ZNF804B: variants seen among roughly 807,000 people sequenced by gnomAD.
ZNF804B encodes zinc finger 804B.
A neutral mutation model predicts 101.4 loss-of-function variants in ZNF804B; 80 were observed. That is an observed-to-expected ratio of 0.79 (90% CI 0.66 to 0.95). ZNF804B has a LOEUF of 0.95. Ranked by LOEUF, ZNF804B falls within the 40% of genes least tolerant of loss-of-function variation. ZNF804B has a pLI of 0.00. For missense variants in ZNF804B, 1,673 were observed against 1,561.9 expected, an observed-to-expected ratio of 1.07 and a Z score of -1.20; for synonymous variants, 622 against 558.8, an observed-to-expected ratio of 1.11 and a Z score of -1.59.
intron 1 of ZNF804B, among the ~76,000 whole-genome samples, chr7:89,162,458 A>G (rs1791080857): frequency 6.6e-6 from 1 of 152,148 alleles, no homozygotes; most frequent in Non-Finnish European, 1.5e-5. Context: ...TGTTGATTCA[A>G]TGCAATGTAA....
intron 1 of ZNF804B, among the ~76,000 whole-genome samples, chr7:88,825,257 GT>G (rs1374268521): frequency 6.6e-6 from 1 of 152,150 alleles, no homozygotes; most frequent in Non-Finnish European, 1.5e-5. Flanking sequence ...GGTCCTGGCA[GT>G]GGTGGTGGTA....
In ZNF804B at chr7:88,856,083, T is replaced by G. The variant is rs529738989; in HGVS notation, c.108+95999T>G. On this transcript the variant is annotated intron_variant, in intron 1 of 3. Coordinates refer to ENST00000333190, the MANE Select transcript of ZNF804B (RefSeq NM_181646.5). ...TTTTGGCTTAGGATTGACTTGGCGA[T>G]GCGGGCTCTTTTTTCATTCCATATG... Among the ~76,000 whole-genome samples, 33 of 152,362 alleles carry G rather than the reference T, an allele frequency of 2.2e-4. No individual in the cohort carries two copies. In the South Asian group the frequency reaches 6.8e-3, roughly 32 times the overall value.
intron 1 of ZNF804B, among the ~76,000 whole-genome samples, chr7:88,968,903 A>C (rs1793494461): frequency 6.6e-6 from 1 of 151,586 alleles, no homozygotes; most frequent in African/African-American, 2.4e-5. Context: ...TATCTTTTCT[A>C]CATATATGTT....
At chr7:89,200,494 C>T (rs574999471) in intron 1 of ZNF804B, among the ~76,000 whole-genome samples, 1 of 151,936 alleles carries the variant, frequency 6.6e-6, no homozygotes, top group Non-Finnish European at 1.5e-5. Context: ...AAACTTCTTA[C>T]CAAGGAGCAC....
chr7:88,816,920 G>A (rs1790888152), intron 1 of ZNF804B, among the ~76,000 whole-genome samples: 1 of 148,196 alleles, frequency 6.7e-6, no homozygotes, highest in African/African-American at 2.5e-5. Flanking sequence ...GCTGCTATAA[G>A]ACACATGCAC....
intron 1 of ZNF804B, among the ~76,000 whole-genome samples, chr7:88,887,294 T>A (rs1792143350): frequency 8.8e-6 from 1 of 113,422 alleles, no homozygotes; most frequent in Non-Finnish European, 1.8e-5. Context: ...TGTTTTTCTC[T>A]TGTAAATTTG....
chr7:88,888,992 C>G (rs140324891), intron 1 of ZNF804B, among the ~76,000 whole-genome samples: 8 of 152,176 alleles, frequency 5.3e-5, no homozygotes, highest in Admixed American at 1.3e-4. Flanking sequence ...CATCTTTATG[C>G]TCCTGTGTGC....
rs145757189 is a variant in ZNF804B at position 88,858,111 on chromosome 7, C to T, written c.108+98027C>T. 9.4e-4 allele frequency among the ~76,000 whole-genome samples: 143 copies of T among 152,154 alleles called. 1 individual carries two copies. The highest frequency in any genetic ancestry group is 2.9e-3 in the African/African-American group (122 of 41,534). ...GTGCTGGGATTACAGGTGAGAGCCA[C>T]GGCACCTGGCCTGCATTTCTTTACC... On this transcript the variant is annotated intron_variant, in intron 1 of 3. Transcript: ENST00000333190.
At chr7:89,005,117 T>C (rs1314239288) in intron 1 of ZNF804B, among the ~76,000 whole-genome samples, 1 of 152,024 alleles carries the variant, frequency 6.6e-6, no homozygotes, top group Non-Finnish European at 1.5e-5. Flanking sequence ...TAAAGTAATA[T>C]AAAACTCACA....
intron 1 of ZNF804B, among the ~76,000 whole-genome samples, chr7:89,006,750 A>T (rs1467387372): frequency 4.6e-5 from 7 of 152,156 alleles, no homozygotes; most frequent in Non-Finnish European, 1.0e-4. Flanking sequence ...ACAAGGAGGC[A>T]TATTTTCAGG....
intron 1 of ZNF804B, among the ~76,000 whole-genome samples, chr7:88,973,983 G>T (rs1308316139): frequency 6.6e-6 from 1 of 151,264 alleles, no homozygotes; most frequent in Non-Finnish European, 1.5e-5. Context: ...ACAAAGCCCT[G>T]AGTTTATTTG....
intron 2 of ZNF804B, among the ~76,000 whole-genome samples, chr7:89,283,774 C>T (rs552517102): frequency 6.6e-6 from 1 of 152,044 alleles, no homozygotes; most frequent in African/African-American, 2.4e-5. Flanking sequence ...TATATACATA[C>T]ATATACAGTT....
At chr7:88,792,182 A>G (rs1790392119) in intron 1 of ZNF804B, among the ~76,000 whole-genome samples, 1 of 152,108 alleles carries the variant, frequency 6.6e-6, no homozygotes, top group Non-Finnish European at 1.5e-5. Context: ...CGGTTAAGGC[A>G]GTCACAGAAG....
chr7:88,952,883 G>T (rs1234803950), intron 1 of ZNF804B, among the ~76,000 whole-genome samples: 3 of 151,782 alleles, frequency 2.0e-5, no homozygotes, highest in African/African-American at 7.2e-5. Flanking sequence ...ATACATGGAA[G>T]AGTGGCAACT....
In ZNF804B at chr7:89,218,141, AT is replaced by A. The variant is rs745966971; in HGVS notation, c.109-8del. The A allele has an allele frequency of 1.2e-6, 2 of 1,600,874 alleles. No individual in the cohort carries two copies. The highest frequency in any genetic ancestry group is 1.7e-6 in the Non-Finnish European group (2 of 1,173,792). On this transcript the variant is annotated splice_polypyrimidine_tract_variant and intron_variant, in intron 1 of 3. Coordinates refer to ENST00000333190, the MANE Select transcript of ZNF804B (RefSeq NM_181646.5). Reference sequence around the variant, plus strand: ...AGAGAAGTCTAACCAACATTTATGTATTTTTTCTTAAAGGATTTTGCAGAAA... The same window carrying A: ...AGAGAAGTCTAACCAACATTTATGTATTTTTCTTAAAGGATTTTGCAGAAA...
Position 89,228,908 on chromosome 7 carries a change from C to G in ZNF804B, c.249+10613C>G, listed in dbSNP as rs532966275. Among the ~76,000 whole-genome samples the G allele has an allele frequency of 2.2e-4, 33 of 152,330 alleles. No homozygotes were observed. In the South Asian group the frequency reaches 3.3e-3, roughly 15 times the overall value. On this transcript the variant is annotated intron_variant, in intron 2 of 3. Coordinates refer to ENST00000333190, the MANE Select transcript of ZNF804B (RefSeq NM_181646.5). ...CATGGCAGACTGCAGGTCCGGAGCC[C>G]TGCCCCGCGGGAAGGCAGCTAAGGC...
chr7:88,775,334 G>T (rs370590102), intron 1 of ZNF804B, among the ~76,000 whole-genome samples: 1 of 152,134 alleles, frequency 6.6e-6, no homozygotes, highest in Non-Finnish European at 1.5e-5. Flanking sequence ...CTCAGAGGCC[G>T]AGGGGCAACA....
chr7:89,267,787 A>G (rs1048328798), intron 2 of ZNF804B, among the ~76,000 whole-genome samples: 1 of 152,162 alleles, frequency 6.6e-6, no homozygotes, highest in Non-Finnish European at 1.5e-5. Flanking sequence ...CTCTAAATAT[A>G]TTTGTTTCTT....
At chr7:89,070,385 T>C (rs2116296150) in intron 1 of ZNF804B, among the ~76,000 whole-genome samples, 1 of 152,250 alleles carries the variant, frequency 6.6e-6, no homozygotes, top group East Asian at 1.9e-4. Context: ...GGATCCAGGC[T>C]AGACCTGGAG....
Sources: gnomAD v4.1 joint callset for allele counts (sites outside exome capture counted in the v4.1 genomes callset) on GRCh38, gnomAD v4.1.1 for gene constraint, MANE v1.5 for transcripts, NCBI Gene and HGNC (gene_info 2026-07-23, HGNC 2026-07-21) for gene names.